STPG2: variants seen among roughly 807,000 people sequenced by gnomAD.
STPG2 encodes sperm-tail PG-rich repeat-containing protein 2.
In STPG2, 56 loss-of-function variants were observed where a neutral mutation model predicts 54.2. The observed-to-expected ratio is 1.03, with a 90% CI of 0.83 to 1.29. The LOEUF (loss-of-function observed/expected upper bound fraction) is 1.29. Among genes scored for constraint, STPG2 ranks in the 50% most tolerant of loss-of-function variants. The probability of loss-of-function intolerance (pLI) is 0.00; values close to 1 mark genes in which losing one functional copy is unlikely to be tolerated. For missense variants in STPG2, 596 were observed against 544.9 expected (o/e 1.09, Z -0.93); for synonymous variants, 200 against 181.8 (o/e 1.10, Z -0.81).
intron 8 of STPG2, among the ~76,000 whole-genome samples, chr4:97,869,663 C>A (rs1729910866): frequency 6.6e-6 from 1 of 151,526 alleles, no homozygotes; most frequent in Non-Finnish European, 1.5e-5. Context: ...CTATAGTCAA[C>A]CAGACCCTGC....
chr4:98,112,720 T>C (rs572722203), intron 3 of STPG2, among the ~76,000 whole-genome samples: 9 of 152,222 alleles, frequency 5.9e-5, no homozygotes, highest in African/African-American at 2.2e-4. Context: ...TGGTAGAGAA[T>C]ATTGGAGCTG....
At chr4:97,700,573 C>G (rs571049512) in intron 10 of STPG2, among the ~76,000 whole-genome samples, 32 of 152,332 alleles carry the variant, frequency 2.1e-4, no homozygotes, top group African/African-American at 6.0e-4. Context: ...CATTTTCTGG[C>G]ATGCAAGTGT....
intron 4 of STPG2, among the ~76,000 whole-genome samples, chr4:97,490,861 T>C (rs1032903717): frequency 6.6e-6 from 1 of 151,538 alleles, no homozygotes; most frequent in African/African-American, 2.4e-5. Flanking sequence ...ACACCAGTCA[T>C]TGGCAAAAAG....
intron 9 of STPG2, among the ~76,000 whole-genome samples, chr4:97,779,426 G>A (rs748362993): frequency 7.2e-5 from 11 of 152,094 alleles, no homozygotes; most frequent in Non-Finnish European, 1.3e-4. Context: ...AGAAATACAC[G>A]ACTATGTATA....
At chr4:98,066,228 G>A (rs1038309048) in intron 5 of STPG2, among the ~76,000 whole-genome samples, 1 of 152,124 alleles carries the variant, frequency 6.6e-6, no homozygotes, top group Non-Finnish European at 1.5e-5. Flanking sequence ...GGAAAATTCA[G>A]TATGGGATAT....
chr4:97,826,228 T>A (rs1435161541), intron 9 of STPG2, among the ~76,000 whole-genome samples: 1 of 152,214 alleles, frequency 6.6e-6, no homozygotes, highest in Non-Finnish European at 1.5e-5. Context: ...AAAACAGTTC[T>A]ACATGCAAGG....
intron 7 of STPG2, among the ~76,000 whole-genome samples, chr4:97,960,623 A>G (rs867633540): frequency 4.3e-4 from 66 of 152,128 alleles, no homozygotes; most frequent in African/African-American, 1.6e-3. Context: ...TAAAATACTT[A>G]GGAATATACC....
At chr4:98,031,162 C>T (rs4574416) in intron 5 of STPG2, among the ~76,000 whole-genome samples, 59,944 of 151,868 alleles carry the variant, frequency 0.39, 12,056 homozygotes, top group Middle Eastern at 0.46. Flanking sequence ...GAAAGGACAC[C>T]CTTTTCAACA....
At chr4:97,566,859 A>C (rs1732463730) in intron 10 of STPG2, among the ~76,000 whole-genome samples, 1 of 140,762 alleles carries the variant, frequency 7.1e-6, no homozygotes, top group Non-Finnish European at 1.5e-5. Context: ...AGGAAGGGGA[A>C]CATCACACTC....
chr4:97,531,025 A>G (rs1578366086), intron 4 of STPG2, among the ~76,000 whole-genome samples: 1 of 152,236 alleles, frequency 6.6e-6, no homozygotes, highest in Non-Finnish European at 1.5e-5. Context: ...TTATAATCTG[A>G]TTTAAAAATG....
At chr4:97,739,749 G>T (rs1388544980) in intron 9 of STPG2, among the ~76,000 whole-genome samples, 1 of 152,094 alleles carries the variant, frequency 6.6e-6, no homozygotes. Context: ...AAGAGTCCAG[G>T]ACCAGATGGA....
chr4:97,535,480 T>C (rs1731507612), intron 4 of STPG2, among the ~76,000 whole-genome samples: 2 of 152,212 alleles, frequency 1.3e-5, no homozygotes, highest in Admixed American at 1.3e-4. Flanking sequence ...CTTCAATGTC[T>C]TTTATTTCAT....
intron 10 of STPG2, among the ~76,000 whole-genome samples, chr4:97,593,618 C>A (rs1352324703): frequency 6.6e-6 from 1 of 152,174 alleles, no homozygotes; most frequent in Admixed American, 6.5e-5. Flanking sequence ...AGAAACACTG[C>A]AGCCCCAGAC....
chr4:97,690,884 A>G (rs1723342320), intron 10 of STPG2, among the ~76,000 whole-genome samples: 1 of 152,228 alleles, frequency 6.6e-6, no homozygotes, highest in East Asian at 1.9e-4. Flanking sequence ...CTTCAAGAGT[A>G]GAATTGTTAA....
At chr4:97,893,096 C>T (rs933014459) in intron 8 of STPG2, 1 of 152,142 alleles carries the variant, frequency 6.6e-6, no homozygotes, top group Non-Finnish European at 1.5e-5. Context: ...TGCTTAGCTT[C>T]TTCCAGTTAG....
At chr4:98,099,623 C>T (rs13139078) in intron 5 of STPG2, among the ~76,000 whole-genome samples, 60,115 of 151,868 alleles carry the variant, frequency 0.4, 12,125 homozygotes, top group Middle Eastern at 0.46. Context: ...TTAGAGAATA[C>T]AATTTGATTG....
chr4:97,503,748 T>A (rs992010920), intron 4 of STPG2, among the ~76,000 whole-genome samples: 2 of 149,364 alleles, frequency 1.3e-5, no homozygotes, highest in African/African-American at 4.9e-5. Flanking sequence ...GTCCTGAGTT[T>A]ATGGAATATT....
At chr4:97,719,617 C>T (rs960840775) in intron 9 of STPG2, among the ~76,000 whole-genome samples, 22 of 151,800 alleles carry the variant, frequency 1.4e-4, no homozygotes, top group African/African-American at 3.9e-4. Flanking sequence ...ATAAACCTTC[C>T]GAAATTCTGG....
At chr4:97,455,896 C>T (rs1729504347) in intron 4 of STPG2, among the ~76,000 whole-genome samples, 3 of 152,148 alleles carry the variant, frequency 2.0e-5, no homozygotes, top group East Asian at 3.9e-4. Context: ...CATTCTCCTC[C>T]CAGAGGTTTG....
Sources: allele counts gnomAD v4.1 joint callset (sites outside exome capture counted in the v4.1 genomes callset), GRCh38; gene constraint gnomAD v4.1.1; transcripts MANE v1.5; gene names NCBI Gene and HGNC (gene_info 2026-07-23, HGNC 2026-07-21).